KLHL3: variants seen among roughly 807,000 people sequenced by gnomAD.
KLHL3 encodes kelch-like protein 3.
A neutral mutation model predicts 70.5 loss-of-function variants in KLHL3; 19 were observed. That is an observed-to-expected ratio of 0.27 (90% confidence interval 0.19 to 0.40). The LOEUF (loss-of-function observed/expected upper bound fraction) is 0.40, where lower values mean the gene tolerates loss of function less well. Among genes scored for constraint, KLHL3 ranks in the 10% least tolerant of loss-of-function variants. The pLI is 1.00. For missense variants in KLHL3, 512 were observed against 771.1 expected (o/e 0.66, Z 3.98); for synonymous variants, 258 against 290.3 (o/e 0.89, Z 1.13).
At chr5:137,709,399 G>A (rs1752750132) in intron 3 of KLHL3, among the ~76,000 whole-genome samples, 1 of 152,212 alleles carries the variant, frequency 6.6e-6, no homozygotes, top group African/African-American at 2.4e-5. Flanking sequence ...CAGCCTCAGT[G>A]TCCTCCATCT....
chr5:137,720,511 G>A lies in KLHL3; in HGVS notation c.88C>T (p.Pro30Ser). The change falls in exon 2 of 15, where the codon CCT becomes TCT. Residue 30 changes from proline to serine, a missense_variant. By Grantham distance (74) the Pro-to-Ser change is moderately conservative. Coordinates refer to ENST00000309755, the MANE Select transcript of KLHL3 (RefSeq NM_017415.3). ...EKNQRTITVN[P>S]AHMGKAFKVM... ...TTGAATGCTTTCCCCATGTGGGCAG[G>A]GTTGACAGTGATCGTCCTCTGGTTC... 2 of 1,614,150 alleles carry A rather than the reference G, an allele frequency of 1.2e-6. No individual in the cohort carries two copies. Among genetic ancestry groups the A allele is most frequent in the Non-Finnish European group, 1.7e-6 (2 of 1,180,008 alleles).
intron 6 of KLHL3, among the ~76,000 whole-genome samples, chr5:137,675,223 T>TA (rs1329467826): frequency 2.0e-5 from 3 of 152,190 alleles, no homozygotes; most frequent in Non-Finnish European, 4.4e-5. Context: ...GAGCAACTCA[T>TA]ATGTAAGTAT....
chr5:137,646,317 C>G (rs762055368), intron 8 of KLHL3, among the ~76,000 whole-genome samples: 2 of 152,136 alleles, frequency 1.3e-5, no homozygotes, highest in Non-Finnish European at 2.9e-5. Flanking sequence ...GAAAGAGGAA[C>G]TCTTATACCC....
rs772754376 is a variant in KLHL3 at position 137,625,816 on chromosome 5, T to G, written c.1672A>C (p.Asn558His). 1 of 1,614,136 alleles carries G rather than the reference T, an allele frequency of 6.2e-7. No homozygotes were observed. The highest frequency in any genetic ancestry group is 2.2e-5 in the East Asian group (1 of 44,874). Residue 558 changes from asparagine to histidine, a missense_variant, in exon 14 of 15, where the codon AAT becomes CAT. Physicochemically the swap from Asn to His is moderately conservative, Grantham distance 68 (BLOSUM62 1). Coordinates refer to ENST00000309755, the MANE Select transcript of KLHL3 (RefSeq NM_017415.3). ...SCNLASVEYYNPVTDKWTLLP... is the reference protein window; with the variant it reads ...SCNLASVEYYHPVTDKWTLLP... Reference sequence around the variant, plus strand: ...AGCGTCCATTTGTCAGTGACAGGATTGTAGTACTCCACCGAAGCCAAGTTG... The same window carrying G: ...AGCGTCCATTTGTCAGTGACAGGATGGTAGTACTCCACCGAAGCCAAGTTG...
At chr5:137,677,321 GCCT>G in intron 6 of KLHL3, 1 of 363,524 alleles carries the variant, frequency 2.8e-6, no homozygotes, top group East Asian at 4.5e-5. Flanking sequence ...GGTGGCGGGT[GCCT>G]ATAATCCCAG....
chr5:137,627,216 T>A (rs1184632898), intron 13 of KLHL3, among the ~76,000 whole-genome samples: 1 of 152,196 alleles, frequency 6.6e-6, no homozygotes, highest in African/African-American at 2.4e-5. Context: ...TAATAAGACG[T>A]TCATGAGAGA....
At chr5:137,671,938 T>G (rs1170009261) in intron 6 of KLHL3, 1 of 152,126 alleles carries the variant, frequency 6.6e-6, no homozygotes, top group African/African-American at 2.4e-5. Context: ...ATGAACTTAC[T>G]TCAATACAAA....
At chr5:137,628,724 GACAGACAGACATACATACATACATACAT>G (rs1283952934) in intron 12 of KLHL3, 4 of 64,410 alleles carry the variant, frequency 6.2e-5, no homozygotes, top group South Asian at 5.9e-4. Context: ...CACACACACA[GACAGACAGACATACATACATACATACAT>G]ACATACATAC....
chr5:137,682,815 C>G (rs1752066022), intron 5 of KLHL3, among the ~76,000 whole-genome samples: 1 of 152,202 alleles, frequency 6.6e-6, no homozygotes, highest in Non-Finnish European at 1.5e-5. Flanking sequence ...TATTACTGCA[C>G]TTTCCTGACT....
intron 7 of KLHL3, 70 bp from the exon 8 acceptor site, chr5:137,658,350 C>T: frequency 1.4e-6 from 2 of 1,470,194 alleles, no homozygotes; most frequent in Non-Finnish European, 9.5e-7. Flanking sequence ...TCACCCTGGG[C>T]TCAGTCATTC....
At chr5:137,659,927 G>A (rs1349650997) in intron 7 of KLHL3, among the ~76,000 whole-genome samples, 1 of 151,764 alleles carries the variant, frequency 6.6e-6, no homozygotes, top group South Asian at 2.1e-4. Context: ...TACCTTTTGT[G>A]AAAGAAAAAA....
At chr5:137,720,811 G>A in intron 1 of KLHL3, 4 of 1,365,008 alleles carry the variant, frequency 2.9e-6, no homozygotes, top group Non-Finnish European at 3.8e-6. Context: ...CTTCCACCAA[G>A]TACTGTGTGA....
At position 137,639,701 on chromosome 5, in the gene KLHL3, C is replaced by T. The variant is rs1323581346; in HGVS notation, c.1021+159G>A. Among the ~76,000 whole-genome samples the T allele has an allele frequency of 9.3e-5, 7 of 75,344 alleles. No individual in the cohort carries two copies. In the South Asian group the frequency reaches 1.9e-3, roughly 21 times the overall value. The allele number at this position is 75,344 out of a possible 152,430, so 49.4% of individuals were successfully genotyped here. A position where few individuals can be genotyped will look rare whatever the true frequency, so the allele number is the denominator to read the frequency against. ...AGAGAAAGACTCTGTCTTAAAACAA[C>T]GACAACAACCAAAAAAAAAAAAAAA... On this transcript the variant is annotated intron_variant, in intron 9 of 14. Transcript: ENST00000309755. The surrounding 1 kb of genome is among the most constrained non-coding windows in gnomAD (Gnocchi z 5.0).
At chr5:137,732,292 T>C (rs1341990981) in intron 1 of KLHL3, among the ~76,000 whole-genome samples, 2 of 151,882 alleles carry the variant, frequency 1.3e-5, no homozygotes, top group Admixed American at 6.6e-5. Context: ...GATTCTCCCA[T>C]GGAGGGAACT....
chr5:137,627,703 C>A lies in KLHL3; in HGVS notation c.1591+594G>T, dbSNP rs146505725. Among the ~76,000 whole-genome samples, 1,112 of 152,190 alleles carry A rather than the reference C, an allele frequency of 7.3e-3. 9 individuals carry two copies. Among genetic ancestry groups the A allele is most frequent in the Middle Eastern group, 0.02 (6 of 294 alleles). ...CAAAAAGGAAATAGCTTAAAAGGGG[C>A]CTCATGCTCCAAGAAATATAAACCT... On this transcript the variant is annotated intron_variant, in intron 13 of 14. Coordinates refer to ENST00000309755, the MANE Select transcript of KLHL3 (RefSeq NM_017415.3).
intron 1 of KLHL3, chr5:137,724,927 C>T (rs1412016004): frequency 2.6e-6 from 1 of 385,988 alleles, no homozygotes; most frequent in Non-Finnish European, 3.5e-6. Context: ...ACAACCTATA[C>T]CCTCCAGCAA....
chr5:137,651,797 T>G (rs1352629364), intron 8 of KLHL3, among the ~76,000 whole-genome samples: 1 of 152,200 alleles, frequency 6.6e-6, no homozygotes, highest in East Asian at 1.9e-4. Flanking sequence ...ATTGCCTAAT[T>G]TTAAGACTTA....
chr5:137,672,375 A>C (rs1751781130), intron 6 of KLHL3, among the ~76,000 whole-genome samples: 1 of 152,250 alleles, frequency 6.6e-6, no homozygotes, highest in Non-Finnish European at 1.5e-5. Flanking sequence ...CTGGGAGACA[A>C]GGGCCCAGTC....
chr5:137,712,292 G>T (rs1752809075), intron 2 of KLHL3, among the ~76,000 whole-genome samples: 1 of 152,126 alleles, frequency 6.6e-6, no homozygotes, highest in East Asian at 1.9e-4. Flanking sequence ...AAATGTCAGG[G>T]TGTGTTATCT....
Sources: allele counts gnomAD v4.1 joint callset (sites outside exome capture counted in the v4.1 genomes callset), GRCh38; gene constraint gnomAD v4.1.1; non-coding constraint Gnocchi (gnomAD v3.1); transcripts MANE v1.5; gene names NCBI Gene and HGNC (gene_info 2026-07-23, HGNC 2026-07-21).